Variants in PARP6 observed in about 807,000 individuals in gnomAD.
PARP6 encodes protein mono-ADP-ribosyltransferase PARP6.
A neutral mutation model predicts 92.0 loss-of-function variants in PARP6; 27 were observed. The ratio of observed to expected loss-of-function variants is 0.29; its 90% CI spans 0.22 to 0.40. PARP6 has a LOEUF of 0.40. Ranked by LOEUF, PARP6 falls within the 10% of genes least tolerant of loss-of-function variation. The pLI is 1.00. For synonymous variants in PARP6, 272 were observed against 281.2 expected (o/e 0.97, Z 0.33); for missense variants, 501 against 784.5 (o/e 0.64, Z 4.32).
At chr15:72,258,673 T>C (rs1444505045) in intron 11 of PARP6, among the ~76,000 whole-genome samples, 1 of 152,250 alleles carries the variant, frequency 6.6e-6, no homozygotes, top group East Asian at 1.9e-4. Context: ...GACAATTCTG[T>C]GCTAGGAAGA....
At chr15:72,272,109 C>G (rs1229194601) in intron 1 of PARP6, among the ~76,000 whole-genome samples, 1 of 152,196 alleles carries the variant, frequency 6.6e-6, no homozygotes, top group Non-Finnish European at 1.5e-5. Flanking sequence ...GGGCGACTCC[C>G]GCAGGTTAGC....
At chr15:72,266,864 T>C (rs2086664432) in intron 3 of PARP6, 42 bp from the exon 4 acceptor site, 1 of 1,460,940 alleles carries the variant, frequency 6.8e-7, no homozygotes, top group South Asian at 1.1e-5. Flanking sequence ...GTTAGGTCCC[T>C]ATTATCCCAT....
At chr15:72,248,083 T>A (rs1381441451) in intron 20 of PARP6, among the ~76,000 whole-genome samples, 1 of 152,244 alleles carries the variant, frequency 6.6e-6, no homozygotes, top group Non-Finnish European at 1.5e-5. Flanking sequence ...ATTACCTTTT[T>A]AAATTCTGCT....
chr15:72,255,779 T>A (rs2085002965), intron 14 of PARP6, among the ~76,000 whole-genome samples: 1 of 64,634 alleles, frequency 1.5e-5, no homozygotes, highest in African/African-American at 4.2e-5. Flanking sequence ...ATATATTACT[T>A]CTCTCTTTTT....
At chr15:72,254,592 G>A (rs552679182) in intron 14 of PARP6, 72 bp from the exon 15 acceptor site, 5 of 1,212,032 alleles carry the variant, frequency 4.1e-6, no homozygotes, top group South Asian at 3.7e-5. Flanking sequence ...GATGAAAAGG[G>A]GCTAGATGTA....
chr15:72,258,233 C>G (rs2085384455), intron 11 of PARP6, 101 bp from the exon 12 acceptor site: 16 of 823,896 alleles, frequency 1.9e-5, no homozygotes, highest in Non-Finnish European at 3.3e-5. Flanking sequence ...ATCCTCCCAG[C>G]CCCGTGCCTA....
At position 72,264,457 on chromosome 15, in the gene PARP6, G is replaced by A. The variant is rs545892715; in HGVS notation, c.395+98C>T. 26 of 854,902 alleles carry A rather than the reference G, an allele frequency of 3.0e-5. No individual in the cohort carries two copies. In the South Asian group the frequency reaches 3.8e-4, roughly 13 times the overall value. 53.0% of individuals were successfully genotyped at this position (854,902 alleles called of 1,614,324 possible). A position where few individuals can be genotyped will look rare whatever the true frequency, so the allele number is the denominator to read the frequency against. ...TATTTCAGAAAGACATTTTTGGAAGGGGGCATTCCATCCAAGGCTCTGCCT... is the reference window on the plus strand; with the variant it reads ...TATTTCAGAAAGACATTTTTGGAAGAGGGCATTCCATCCAAGGCTCTGCCT... On this transcript the variant is annotated intron_variant, in intron 8 of 23. Transcript: ENST00000569795.
Position 72,253,727 on chromosome 15 carries a change from G to C in PARP6, c.1192-223C>G, listed in dbSNP as rs531275694. 8.9e-6 allele frequency: 6 copies of C among 674,862 alleles called. No homozygotes were observed. The East Asian group carries it at 1.2e-4, about 13-fold the overall frequency. The allele number at this position is 674,862 out of a possible 1,614,324, so 41.8% of individuals were successfully genotyped here. On this transcript the variant is annotated intron_variant, in intron 15 of 23. Coordinates refer to ENST00000569795, the MANE Select transcript of PARP6 (RefSeq NM_001323532.2). Reference sequence around the variant, plus strand: ...GAAGATGCTTACAAAACAACATGCAGGTGGGTCTCCCTCATTTTATGCAAT... The same window carrying C: ...GAAGATGCTTACAAAACAACATGCACGTGGGTCTCCCTCATTTTATGCAAT...
intron 11 of PARP6, 67 bp downstream of exon 11, chr15:72,259,541 G>T (rs186651328): frequency 2.4e-6 from 3 of 1,244,630 alleles, no homozygotes; most frequent in Middle Eastern, 1.9e-4. Flanking sequence ...GAGCTGGGAG[G>T]TGTTAGGAGA....
At chr15:72,262,046 T>C (rs1011812793) in intron 8 of PARP6, among the ~76,000 whole-genome samples, 1 of 152,098 alleles carries the variant, frequency 6.6e-6, no homozygotes, top group African/African-American at 2.4e-5. Flanking sequence ...ACAGAAGTGG[T>C]AGGATGGAGG....
intron 14 of PARP6, among the ~76,000 whole-genome samples, chr15:72,255,565 T>C (rs939885576): frequency 2.7e-5 from 4 of 150,858 alleles, no homozygotes; most frequent in Non-Finnish European, 5.9e-5. Flanking sequence ...GCCCACTCTC[T>C]GATTTTTCAA....
intron 16 of PARP6, among the ~76,000 whole-genome samples, chr15:72,251,956 G>A (rs984250410): frequency 2.0e-5 from 3 of 152,230 alleles, no homozygotes; most frequent in African/African-American, 7.2e-5. Context: ...TACCTGTGAT[G>A]CCACCTCAGA....
intron 18 of PARP6, 102 bp from the exon 19 acceptor site, chr15:72,250,194 AGAT>A: frequency 1.3e-6 from 1 of 755,100 alleles, no homozygotes; most frequent in Non-Finnish European, 2.4e-6. Context: ...CAGGACATGA[AGAT>A]GGACAGGTAC....
intron 16 of PARP6, 119 bp downstream of exon 16, chr15:72,253,318 T>C: frequency 4.9e-6 from 3 of 616,588 alleles, no homozygotes; most frequent in Non-Finnish European, 8.3e-6. Context: ...AAAGCACCCA[T>C]TACTGCCTAT....
chr15:72,266,872 C>A, intron 3 of PARP6, 50 bp from the exon 4 acceptor site: 1 of 1,374,456 alleles, frequency 7.3e-7, no homozygotes, highest in South Asian at 1.2e-5. Context: ...CCTATTATCC[C>A]ATGGAAAGGC....
chr15:72,260,716 T>A (rs751201479), intron 9 of PARP6, 28 bp from the exon 10 acceptor site: 52 of 1,548,884 alleles, frequency 3.4e-5, no homozygotes, highest in Non-Finnish European at 4.2e-5. Flanking sequence ...AGAGAAGTGA[T>A]AAAACTGGGG....
In PARP6 at chr15:72,241,408, C is replaced by A. The variant is rs2083036478; in HGVS notation, c.*47G>T. ...CTGTACCTGAACACTTTTATGAGGG[C>A]AGATGGATCCTGGGGTAACAGGGGT... On this transcript the variant is annotated 3_prime_UTR_variant, in exon 24 of 24. Coordinates refer to ENST00000569795, the MANE Select transcript of PARP6 (RefSeq NM_001323532.2). This position sits in a 1 kb window ranked among gnomAD's most constrained non-coding sequence, Gnocchi z 4.1. 3 of 1,309,360 alleles carry A rather than the reference C, an allele frequency of 2.3e-6. No homozygotes were observed. In the African/African-American group the frequency reaches 4.3e-5, roughly 19 times the overall value. 81.1% of individuals were successfully genotyped at this position (1,309,360 alleles called of 1,614,324 possible).
chr15:72,258,728 T>G (rs952347267), intron 11 of PARP6, among the ~76,000 whole-genome samples: 2 of 152,196 alleles, frequency 1.3e-5, no homozygotes, highest in Non-Finnish European at 2.9e-5. Context: ...CAGCGTTTTT[T>G]TTGTTGTTGT....
intron 13 of PARP6, among the ~76,000 whole-genome samples, chr15:72,257,032 T>C (rs1049881840): frequency 1.3e-5 from 2 of 152,152 alleles, no homozygotes; most frequent in African/African-American, 4.8e-5. Flanking sequence ...TGTGAGCCAC[T>C]GTGCTCGGCC....
Sources: allele counts gnomAD v4.1 joint callset (sites outside exome capture counted in the v4.1 genomes callset), GRCh38; gene constraint gnomAD v4.1.1; non-coding constraint Gnocchi (gnomAD v3.1); transcripts MANE v1.5; gene names NCBI Gene and HGNC (gene_info 2026-07-23, HGNC 2026-07-21).